SIMC1: variants seen among roughly 807,000 people sequenced by gnomAD.
The protein encoded by SIMC1 is SUMO interacting motifs containing 1.
Under a neutral mutation model 82.3 loss-of-function variants are expected in SIMC1, and 55 were observed. The ratio of observed to expected loss-of-function variants is 0.67; its 90% CI spans 0.54 to 0.84. The LOEUF (loss-of-function observed/expected upper bound fraction) is 0.84, where lower values mean the gene tolerates loss of function less well. Ranked by LOEUF, SIMC1 falls within the 40% of genes least tolerant of loss-of-function variation. SIMC1 has a pLI of 0.00. For missense variants in SIMC1, 915 were observed against 1,107.2 expected, an observed-to-expected ratio of 0.83 and a Z score of 2.46; for synonymous variants, 353 against 426.3, an observed-to-expected ratio of 0.83 and a Z score of 2.12.
At chr5:176,336,644 T>G in intron 7 of SIMC1, 76 bp from the exon 8 acceptor site, 2 of 1,557,176 alleles carry the variant, frequency 1.3e-6, no homozygotes, top group Non-Finnish European at 1.7e-6. Flanking sequence ...ATGTTGTACA[T>G]TCAGGGTGAA....
At chr5:176,256,216 G>A (rs1432587227) in intron 1 of SIMC1, among the ~76,000 whole-genome samples, 1 of 152,140 alleles carries the variant, frequency 6.6e-6, no homozygotes, top group Non-Finnish European at 1.5e-5. Context: ...AAAATCTCTT[G>A]CAAATGTTAT....
chr5:176,342,932 C>G (rs988524196), intron 9 of SIMC1, among the ~76,000 whole-genome samples: 1 of 152,232 alleles, frequency 6.6e-6, no homozygotes, highest in Non-Finnish European at 1.5e-5. Flanking sequence ...ACTGTGTCCC[C>G]AGACTCTAGC....
At position 176,309,027 on chromosome 5, in the gene SIMC1, ATGG is replaced by A. The variant is rs1764546010; in HGVS notation, c.1735-4663_1735-4661del. On this transcript the variant is annotated intron_variant, in intron 4 of 9. Coordinates refer to ENST00000429602, the MANE Select transcript of SIMC1 (RefSeq NM_001308195.2). ...TCTCTGGAATAAAGCAGGAGACAAA[ATGG>A]AGAAAGATGAAAATATCCAGTGTAA... 3 of 777,348 alleles carry A rather than the reference ATGG, an allele frequency of 3.9e-6. No individual in the cohort carries two copies. In the East Asian group the frequency reaches 7.3e-5, roughly 19 times the overall value. The allele number at this position is 777,348 out of a possible 1,614,324, so 48.2% of individuals were successfully genotyped here.
intron 1 of SIMC1, among the ~76,000 whole-genome samples, chr5:176,274,533 G>T (rs1483094921): frequency 1.3e-5 from 2 of 151,676 alleles, no homozygotes; most frequent in East Asian, 1.9e-4. Context: ...GTCAATTTTG[G>T]CTTTTGTTGC....
chr5:176,322,325 C>A lies in SIMC1; in HGVS notation c.1942C>A (p.Pro648Thr). Residue 648 changes from proline to threonine, a missense_variant, in exon 6 of 10, where the codon CCC becomes ACC. By Grantham distance (38) the Pro-to-Thr change is conservative. Coordinates refer to ENST00000429602, the MANE Select transcript of SIMC1 (RefSeq NM_001308195.2). ...AGTAACTGAAGATGGATTGACTCAG[C>A]CCCCAAATGGAAATCAAACGTCTTC... ...KAVTEDGLTQPPNGNQTSSGT... is the reference protein window; with the variant it reads ...KAVTEDGLTQTPNGNQTSSGT... 1 of 1,586,894 alleles carries A rather than the reference C, an allele frequency of 6.3e-7. No individual in the cohort carries two copies. The highest frequency in any genetic ancestry group is 8.6e-7 in the Non-Finnish European group (1 of 1,166,236).
chr5:176,262,435 A>G (rs1475186710), intron 1 of SIMC1, among the ~76,000 whole-genome samples: 1 of 152,066 alleles, frequency 6.6e-6, no homozygotes, highest in East Asian at 1.9e-4. Context: ...TAAGGCAAGG[A>G]TGTCTCCTCA....
At chr5:176,305,674 T>C (rs62405168) in intron 4 of SIMC1, among the ~76,000 whole-genome samples, 4 of 92,746 alleles carry the variant, frequency 4.3e-5, no homozygotes, top group East Asian at 3.3e-4. Flanking sequence ...GGAGCCCCTC[T>C]GCCCGGCCAG....
chr5:176,313,927 GGTGAGGTTTTC>G (rs1764786621), intron 5 of SIMC1, 82 bp downstream of exon 5: 1 of 1,573,408 alleles, frequency 6.4e-7, no homozygotes. Flanking sequence ...ATATCAGCCA[GGTGAGGTTTTC>G]TAGTCAGTAG....
intron 9 of SIMC1, among the ~76,000 whole-genome samples, chr5:176,344,794 C>T (rs1462017024): frequency 6.6e-6 from 1 of 152,198 alleles, no homozygotes; most frequent in Non-Finnish European, 1.5e-5. Context: ...CCACCTCCAA[C>T]ATCAGGGATT....
chr5:176,343,107 TGAGA>T (rs1287890878), intron 9 of SIMC1, among the ~76,000 whole-genome samples: 1 of 152,232 alleles, frequency 6.6e-6, no homozygotes, highest in African/African-American at 2.4e-5. Flanking sequence ...ACTTTAGTTT[TGAGA>T]GATTTTGCTT....
chr5:176,272,625 A>G (rs1363089352), intron 1 of SIMC1, among the ~76,000 whole-genome samples: 1 of 152,172 alleles, frequency 6.6e-6, no homozygotes, highest in Non-Finnish European at 1.5e-5. Context: ...CAAGAGCTGA[A>G]GCAGGGTGAG....
At chr5:176,275,598 T>C (rs1762650202) in intron 1 of SIMC1, among the ~76,000 whole-genome samples, 1 of 151,806 alleles carries the variant, frequency 6.6e-6, no homozygotes, top group Non-Finnish European at 1.5e-5. Context: ...AGTATGATAT[T>C]GGCTGTGGGT....
At chr5:176,254,699 A>G (rs1465199879) in intron 1 of SIMC1, among the ~76,000 whole-genome samples, 1 of 151,104 alleles carries the variant, frequency 6.6e-6, no homozygotes, top group African/African-American at 2.4e-5. Context: ...TTATATGCAC[A>G]TTCTCAAATA....
intron 4 of SIMC1, among the ~76,000 whole-genome samples, chr5:176,302,895 G>T (rs928798579): frequency 6.6e-6 from 1 of 152,158 alleles, no homozygotes; most frequent in Admixed American, 6.5e-5. Flanking sequence ...GTTGTGGAAA[G>T]AAATTAGACA....
At chr5:176,341,291 A>G (rs932193459) in intron 9 of SIMC1, among the ~76,000 whole-genome samples, 3 of 152,260 alleles carry the variant, frequency 2.0e-5, no homozygotes, top group Non-Finnish European at 4.4e-5. Flanking sequence ...AGAACAAGCT[A>G]GCAGGGCAAG....
chr5:176,264,199 A>G (rs924470561), intron 1 of SIMC1, among the ~76,000 whole-genome samples: 7 of 152,190 alleles, frequency 4.6e-5, no homozygotes, highest in African/African-American at 1.7e-4. Context: ...TGAAAATACA[A>G]CCTGCTGGTG....
chr5:176,261,265 C>CT (rs1762006161), intron 1 of SIMC1: 1 of 152,128 alleles, frequency 6.6e-6, no homozygotes, highest in Non-Finnish European at 1.5e-5. Flanking sequence ...CCTCAGCCTC[C>CT]TAAAGTGCTG....
chr5:176,304,677 C>T (rs1473183527), intron 4 of SIMC1, among the ~76,000 whole-genome samples: 6 of 148,190 alleles, frequency 4.0e-5, no homozygotes, highest in Non-Finnish European at 7.5e-5. Context: ...GCCCCTCTGC[C>T]TGGCTGCCCA....
Position 176,294,666 on chromosome 5 carries a change from T to C in SIMC1, c.1432-364T>C, listed in dbSNP as rs183857393. Among the ~76,000 whole-genome samples the C allele has an allele frequency of 2.3e-3, 349 of 151,570 alleles. 3 individuals carry two copies. Among genetic ancestry groups the C allele is most frequent in the African/African-American group, 8.1e-3 (334 of 41,370 alleles). The stretch of plus-strand genomic sequence containing the variant: ...TATTCTAGAACCTCTTATTTTTGTA[T>C]ACTATAGAAATCCCGGCTCGGCGCC... On this transcript the variant is annotated intron_variant, in intron 2 of 9. Transcript: ENST00000429602.
Sources: gnomAD v4.1 joint callset for allele counts (sites outside exome capture counted in the v4.1 genomes callset) on GRCh38, gnomAD v4.1.1 for gene constraint, MANE v1.5 for transcripts, NCBI Gene and HGNC (gene_info 2026-07-23, HGNC 2026-07-21) for gene names.